The following OPA3 variants were observed in gnomAD, a reference collection of about 807,000 sequenced individuals.
OPA3 encodes optic atrophy 3 protein.
In OPA3, 6 loss-of-function variants were observed where a neutral mutation model predicts 4.0. The observed-to-expected ratio is 1.51, with a 90% CI of 0.83 to 2.99. OPA3 has a LOEUF of 2.99. Among genes scored for constraint, OPA3 ranks in the 30% most tolerant of loss-of-function variants. The pLI is 0.00. For synonymous variants in OPA3, 105 were observed against 117.1 expected (o/e 0.90, Z 0.67); for missense variants, 235 against 256.2 (o/e 0.92, Z 0.56).
In OPA3 at chr19:45,568,864, C is replaced by A. The variant is rs527283041; in HGVS notation, c.143-14953G>T. ...TTGGCAGGAAATCCGGGATGAGGCA[C>A]CCCTCTGTGCCCTGGGGTCACTAGG... On this transcript the variant is annotated intron_variant, in intron 1 of 1. Coordinates refer to ENST00000263275, the MANE Select transcript of OPA3 (RefSeq NM_025136.4). Among the ~76,000 whole-genome samples, 54 of 152,234 alleles carry A rather than the reference C, an allele frequency of 3.5e-4. No individual in the cohort carries two copies. In the East Asian group the frequency reaches 7.2e-3, roughly 20 times the overall value.
intron 1 of OPA3, among the ~76,000 whole-genome samples, chr19:45,573,620 G>A (rs1214703820): frequency 6.6e-6 from 1 of 152,076 alleles, no homozygotes; most frequent in Non-Finnish European, 1.5e-5. Context: ...GGGTCACACA[G>A]AAAGTGGCAG....
At chr19:45,582,619 G>A (rs145993413) in intron 1 of OPA3, among the ~76,000 whole-genome samples, 285 of 152,268 alleles carry the variant, frequency 1.9e-3, no homozygotes, top group Non-Finnish European at 3.1e-3. Flanking sequence ...ATTGGTCAGA[G>A]ATGAAATCAC....
Position 45,583,406 on chromosome 19 carries a change from C to T in OPA3, c.142+1217G>A, listed in dbSNP as rs935509899. Among the ~76,000 whole-genome samples the T allele has an allele frequency of 2.0e-5, 3 of 152,326 alleles. No homozygotes were observed. The East Asian group carries it at 5.8e-4, about 29-fold the overall frequency. ...TGACCTCGTGATCTGCCCACCTCGG[C>T]CTCCCAAAGTGCTGGGATTACAGGC... On this transcript the variant is annotated intron_variant, in intron 1 of 1. Coordinates refer to ENST00000263275, the MANE Select transcript of OPA3 (RefSeq NM_025136.4).
chr19:45,584,321 C>G (rs939149045), intron 1 of OPA3: 1 of 985,050 alleles, frequency 1.0e-6, no homozygotes, highest in East Asian at 1.1e-4. Context: ...AAGCCCCGTC[C>G]AAATTTCTCC....
In OPA3 at chr19:45,549,308, A is replaced by G; in HGVS notation, c.*4206T>C. ...CTTCCACACACTCTGGCCACCCCTGACGCCGCAGTGGGGGAAGTAGATGGC... is the reference window on the plus strand; with the variant it reads ...CTTCCACACACTCTGGCCACCCCTGGCGCCGCAGTGGGGGAAGTAGATGGC... On this transcript the variant is annotated 3_prime_UTR_variant, in exon 2 of 2. Coordinates refer to ENST00000263275, the MANE Select transcript of OPA3 (RefSeq NM_025136.4). 1.0e-6 allele frequency: 1 copy of G among 985,326 alleles called. No individual in the cohort carries two copies. The highest frequency in any genetic ancestry group is 5.2e-4 in the Middle Eastern group (1 of 1,914). 61.0% of individuals were successfully genotyped at this position (985,326 alleles called of 1,614,324 possible).
Position 45,548,247 on chromosome 19 carries a change from T to C in OPA3, c.*5267A>G, listed in dbSNP as rs1021931461. 60 of 985,418 alleles carry C rather than the reference T, an allele frequency of 6.1e-5. No homozygotes were observed. The highest frequency in any genetic ancestry group is 9.4e-5 in the South Asian group (2 of 21,292). The allele number at this position is 985,418 out of a possible 1,614,324, so 61.0% of individuals were successfully genotyped here. Reference sequence around the variant, plus strand: ...GCCCAGGAGTAGCTCCGTGAGCCAATAGATCAGGTTGGGGCTTATGTAAAG... The same window carrying C: ...GCCCAGGAGTAGCTCCGTGAGCCAACAGATCAGGTTGGGGCTTATGTAAAG... On this transcript the variant is annotated 3_prime_UTR_variant, in exon 2 of 2. Transcript: ENST00000263275.
chr19:45,540,911 C>T (rs1969179120), intron 1 of OPA3, among the ~76,000 whole-genome samples: 1 of 152,180 alleles, frequency 6.6e-6, no homozygotes, highest in Non-Finnish European at 1.5e-5. Context: ...GGTTCACAGT[C>T]TCTATGCTGG....
chr19:45,579,707 AT>A (rs1231127964), intron 1 of OPA3, among the ~76,000 whole-genome samples: 1 of 152,120 alleles, frequency 6.6e-6, no homozygotes, highest in Non-Finnish European at 1.5e-5. Context: ...AATAAATATT[AT>A]TTACAGCATA....
At chr19:45,555,123 ATAAT>A (rs747938691) in intron 1 of OPA3, among the ~76,000 whole-genome samples, 40 of 152,296 alleles carry the variant, frequency 2.6e-4, no homozygotes, top group Middle Eastern at 3.4e-3. Context: ...CTGCGCACTA[ATAAT>A]TTCAAAATTA....
At chr19:45,553,965 AC>A in intron 1 of OPA3, 54 bp from the exon 2 acceptor site, 1 of 1,448,498 alleles carries the variant, frequency 6.9e-7, no homozygotes, top group Admixed American at 2.0e-5. Flanking sequence ...TGCAAGCCCC[AC>A]CCCTCTCACC....
chr19:45,583,980 C>CT (rs1307604774), intron 1 of OPA3, among the ~76,000 whole-genome samples: 2 of 152,198 alleles, frequency 1.3e-5, no homozygotes, highest in Non-Finnish European at 2.9e-5. Flanking sequence ...GCCGCATAGT[C>CT]TGTCAACCGA....
At chr19:45,530,437 A>G (rs933893180) in intron 1 of OPA3, among the ~76,000 whole-genome samples, 1 of 149,382 alleles carries the variant, frequency 6.7e-6, no homozygotes, top group African/African-American at 2.4e-5. Flanking sequence ...CACATATTCT[A>G]TCTCCTTCCC....
chr19:45,541,314 G>C (rs765455344), downstream of OPA3, among the ~76,000 whole-genome samples: 1 of 152,116 alleles, frequency 6.6e-6, no homozygotes, highest in Non-Finnish European at 1.5e-5. Context: ...TTATGGAAAA[G>C]CCACTAGATT....
chr19:45,533,427 C>T (rs776522032), intron 1 of OPA3, among the ~76,000 whole-genome samples: 11 of 152,232 alleles, frequency 7.2e-5, no homozygotes, highest in Non-Finnish European at 1.3e-4. Flanking sequence ...ATTTCCTGAC[C>T]TCATGATCTG....
At chr19:45,568,315 G>A (rs1440767765) in intron 1 of OPA3, among the ~76,000 whole-genome samples, 6 of 151,932 alleles carry the variant, frequency 3.9e-5, no homozygotes, top group African/African-American at 9.7e-5. Context: ...TCAGCCTCCC[G>A]AGTAGCTGGG....
chr19:45,555,173 C>T (rs73568991), intron 1 of OPA3, among the ~76,000 whole-genome samples: 7,845 of 152,076 alleles, frequency 0.052, 669 homozygotes, highest in African/African-American at 0.18. Context: ...GCATTTAGAA[C>T]CTTATGGTCA....
At chr19:45,579,620 C>T (rs1969817454) in intron 1 of OPA3, among the ~76,000 whole-genome samples, 1 of 152,158 alleles carries the variant, frequency 6.6e-6, no homozygotes, top group African/African-American at 2.4e-5. Context: ...TCTATAACAT[C>T]TACGTGACAG....
intron 1 of OPA3, 193 bp downstream of exon 1, chr19:45,584,430 C>A (rs1345670671): frequency 1.0e-6 from 1 of 985,094 alleles, no homozygotes; most frequent in African/African-American, 1.8e-5. Context: ...CCTTGACCCG[C>A]CCCTTACGCC....
intron 1 of OPA3, among the ~76,000 whole-genome samples, chr19:45,533,279 C>T (rs1969079574): frequency 6.6e-6 from 1 of 151,872 alleles, no homozygotes; most frequent in South Asian, 2.1e-4. Flanking sequence ...ACTGCAAGCT[C>T]CGCCTCCTGG....
Sources: allele counts gnomAD v4.1 joint callset (sites outside exome capture counted in the v4.1 genomes callset), GRCh38; gene constraint gnomAD v4.1.1; transcripts MANE v1.5; gene names NCBI Gene and HGNC (gene_info 2026-07-23, HGNC 2026-07-21).